Variants in ABCA13 observed in about 807,000 individuals in gnomAD.
ABCA13 encodes ATP-binding cassette sub-family A member 13.
In ABCA13, 476 loss-of-function variants were observed where a neutral mutation model predicts 478.7. The ratio of observed to expected loss-of-function variants is 0.99; its 90% CI spans 0.92 to 1.07. ABCA13 has a LOEUF of 1.07. ABCA13 is among the 50% of genes least tolerant of loss of function. The probability of loss-of-function intolerance (pLI) is 0.00; values close to 1 mark genes in which losing one functional copy is unlikely to be tolerated. For synonymous variants in ABCA13, 2,252 were observed against 2,158.9 expected (o/e 1.04, Z -1.20); for missense variants, 6,060 against 5,910.6 (o/e 1.03, Z -0.83).
At position 48,274,041 on chromosome 7, in the gene ABCA13, G is replaced by A. The variant is rs1795970202; in HGVS notation, c.4375G>A (p.Val1459Ile). Reference protein sequence around the residue: ...CSSNGSHINCVNIYLKDVTDF... With the variant: ...CSSNGSHINCINIYLKDVTDF... ...ATCAAATGGCTCACATATAAATTGTGTCAATATTTACTTGAAAGATGTAAC... is the reference window on the plus strand; with the variant it reads ...ATCAAATGGCTCACATATAAATTGTATCAATATTTACTTGAAAGATGTAAC... The change falls in exon 17 of 62, where the codon GTC becomes ATC. Residue 1459 changes from valine (V) to isoleucine (I), a missense_variant. Physicochemically the swap from Val to Ile is conservative, Grantham distance 29 (BLOSUM62 3). This residue lies in a region of ABCA13 where 4,423 missense variants were observed against 4,309.1 expected (regional missense o/e 1.03). Transcript: ENST00000435803. The A allele has an allele frequency of 1.2e-6, 2 of 1,606,206 alleles. No homozygotes were observed. Among genetic ancestry groups the A allele is most frequent in the Non-Finnish European group, 1.7e-6 (2 of 1,174,596 alleles).
In ABCA13 at chr7:48,233,232, A is replaced by G. The variant is rs1353165240; in HGVS notation, c.764-786A>G. ...GATCCTATGAGATAATGCTTGTGAAAATGGCTTATTAGTGGCTGGCAGGTG... is the reference window on the plus strand; with the variant it reads ...GATCCTATGAGATAATGCTTGTGAAGATGGCTTATTAGTGGCTGGCAGGTG... On this transcript the variant is annotated intron_variant, in intron 7 of 61. Coordinates refer to ENST00000435803, the MANE Select transcript of ABCA13 (RefSeq NM_152701.5). 3.9e-5 allele frequency among the ~76,000 whole-genome samples: 6 copies of G among 152,230 alleles called. No individual in the cohort carries two copies. In the South Asian group the frequency reaches 6.2e-4, roughly 16 times the overall value.
intron 27 of ABCA13, among the ~76,000 whole-genome samples, chr7:48,324,236 G>A (rs1412411460): frequency 6.6e-6 from 1 of 152,138 alleles, no homozygotes; most frequent in Admixed American, 6.5e-5. Flanking sequence ...GGGGCCTCTG[G>A]CTTGCAGACA....
At chr7:48,174,875 A>G (rs904126481) in intron 1 of ABCA13, among the ~76,000 whole-genome samples, 71 of 152,234 alleles carry the variant, frequency 4.7e-4, no homozygotes, top group African/African-American at 1.6e-3. Context: ...TTGTATACAC[A>G]TAATTATTTG....
chr7:48,487,606 A>T (rs573352895), intron 47 of ABCA13, among the ~76,000 whole-genome samples: 9 of 152,290 alleles, frequency 5.9e-5, no homozygotes, highest in African/African-American at 2.2e-4. Context: ...TTTTTTCCCT[A>T]AATTTGAACA....
Position 48,276,171 on chromosome 7 carries a change from TG to T in ABCA13, c.6509del (p.Gly2170AlafsTer3), listed in dbSNP as rs764407201. On this transcript the variant is annotated frameshift_variant, in exon 17 of 62. Transcript: ENST00000435803. LOFTEE classifies it high-confidence loss of function. ...ALLAKAIATF[W>X]GSLKNISRAG... ...GTTAGCCAAAGCTATTGCTACTTTT[TG>T]GGGCTCTTTAAAAAATATATCTAGA... 1 of 1,594,722 alleles carries T rather than the reference TG, an allele frequency of 6.3e-7. No individual in the cohort carries two copies. Among genetic ancestry groups the T allele is most frequent in the Non-Finnish European group, 8.5e-7 (1 of 1,170,742 alleles).
chr7:48,342,723 A>C (rs1807429983), intron 29 of ABCA13, among the ~76,000 whole-genome samples: 2 of 152,176 alleles, frequency 1.3e-5, no homozygotes. Flanking sequence ...AAAACTTTTC[A>C]CAGTGTTCAA....
chr7:48,395,388 G>A (rs554889885), intron 38 of ABCA13, among the ~76,000 whole-genome samples: 3 of 152,268 alleles, frequency 2.0e-5, no homozygotes, highest in Non-Finnish European at 2.9e-5. Flanking sequence ...AGGAGGGGGC[G>A]TCCATGGTAT....
chr7:48,290,493 C>G (rs1418998614), intron 20 of ABCA13, among the ~76,000 whole-genome samples: 1 of 152,156 alleles, frequency 6.6e-6, no homozygotes, highest in Non-Finnish European at 1.5e-5. Context: ...TTACCTGGAG[C>G]CTGGTACACC....
chr7:48,230,654 C>T (rs1788915242), intron 7 of ABCA13, among the ~76,000 whole-genome samples: 1 of 151,900 alleles, frequency 6.6e-6, no homozygotes, highest in Non-Finnish European at 1.5e-5. Context: ...CATTCACCCA[C>T]TAAACAACTC....
chr7:48,310,184 C>T, intron 24 of ABCA13, 43 bp downstream of exon 24: 1 of 1,562,792 alleles, frequency 6.4e-7, no homozygotes, highest in Non-Finnish European at 8.7e-7. Flanking sequence ...CTGCAGGACT[C>T]TGCTGTGGTG....
chr7:48,441,502 T>G (rs12535354), intron 42 of ABCA13, among the ~76,000 whole-genome samples: 1 of 152,054 alleles, frequency 6.6e-6, no homozygotes, highest in African/African-American at 2.4e-5. Flanking sequence ...GAGGGATTGA[T>G]GAAGACAAAA....
chr7:48,566,745 C>T (rs1212602226), intron 55 of ABCA13, among the ~76,000 whole-genome samples: 2 of 152,090 alleles, frequency 1.3e-5, no homozygotes, highest in South Asian at 2.1e-4. Context: ...GGTTGGTCTT[C>T]GTAGATCCTT....
intron 39 of ABCA13, among the ~76,000 whole-genome samples, chr7:48,408,715 CA>C (rs1357499666): frequency 6.6e-6 from 1 of 152,052 alleles, no homozygotes; most frequent in Non-Finnish European, 1.5e-5. Flanking sequence ...ATTTTAAATT[CA>C]GGGGTACATG....
chr7:48,341,703 C>G (rs1807190524), intron 29 of ABCA13, among the ~76,000 whole-genome samples: 1 of 150,482 alleles, frequency 6.6e-6, no homozygotes, highest in South Asian at 2.1e-4. Flanking sequence ...TTTCTGCTCT[C>G]TATTGGTTTT....
intron 56 of ABCA13, among the ~76,000 whole-genome samples, chr7:48,586,220 A>G (rs1180567656): frequency 6.6e-6 from 1 of 152,108 alleles, no homozygotes; most frequent in African/African-American, 2.4e-5. Flanking sequence ...TGCTGCCACC[A>G]TCCTTGGGTC....
intron 23 of ABCA13, among the ~76,000 whole-genome samples, chr7:48,307,657 CT>C (rs1801103658): frequency 6.6e-6 from 1 of 152,132 alleles, no homozygotes; most frequent in African/African-American, 2.4e-5. Flanking sequence ...CTTACTGTAA[CT>C]TTTTTTACTT....
At chr7:48,399,597 G>A (rs916137297) in intron 38 of ABCA13, among the ~76,000 whole-genome samples, 4 of 152,214 alleles carry the variant, frequency 2.6e-5, no homozygotes, top group African/African-American at 9.6e-5. Context: ...TTGGTTGTGA[G>A]TAAATGGGAT....
chr7:48,562,109 G>T (rs530784347), intron 55 of ABCA13, among the ~76,000 whole-genome samples: 5 of 137,336 alleles, frequency 3.6e-5, no homozygotes, highest in East Asian at 4.4e-4. Context: ...ATGTATGGGG[G>T]GGGAGGTGGA....
At chr7:48,323,755 C>T (rs1422110883) in intron 27 of ABCA13, among the ~76,000 whole-genome samples, 1 of 152,122 alleles carries the variant, frequency 6.6e-6, no homozygotes, top group Non-Finnish European at 1.5e-5. Flanking sequence ...TTGGCTGTGC[C>T]CCCACCCACA....
Sources: allele counts gnomAD v4.1 joint callset (sites outside exome capture counted in the v4.1 genomes callset), GRCh38; gene constraint gnomAD v4.1.1; regional missense constraint gnomAD v4.1.1; transcripts MANE v1.5; gene names NCBI Gene and HGNC (gene_info 2026-07-23, HGNC 2026-07-21).